Variants in ZNF276 observed in about 807,000 individuals in gnomAD.
ZNF276 encodes the protein zinc finger protein 276.
A neutral mutation model predicts 63.9 loss-of-function variants in ZNF276; 59 were observed. That is an observed-to-expected ratio of 0.92 (90% CI 0.75 to 1.15). The LOEUF (loss-of-function observed/expected upper bound fraction) is 1.15. ZNF276 is among the 50% of genes most tolerant of loss of function. The pLI, the probability that ZNF276 is intolerant of heterozygous loss-of-function variation, is 0.00. For synonymous variants in ZNF276, 496 were observed against 348.4 expected (o/e 1.42, Z -4.72); for missense variants, 1,084 against 843.8 (o/e 1.28, Z -3.53).
Position 89,739,674 on chromosome 16 carries a change from G to C in ZNF276, c.*1428G>C. 6.6e-7 allele frequency: 1 copy of C among 1,513,440 alleles called. No individual in the cohort carries two copies. Among genetic ancestry groups the C allele is most frequent in the Non-Finnish European group, 8.9e-7 (1 of 1,119,178 alleles). The allele number at this position is 1,513,440 out of a possible 1,614,324, so 93.8% of individuals were successfully genotyped here. A position where few individuals can be genotyped will look rare whatever the true frequency, so the allele number is the denominator to read the frequency against. ...GGCCTGGCTGTGGGGATAGTGTGGG[G>C]CGAACAGCCTGAGCTGAGGATACCC... On this transcript the variant is annotated 3_prime_UTR_variant, in exon 11 of 11. Coordinates refer to ENST00000443381, the MANE Select transcript of ZNF276 (RefSeq NM_001113525.2).
At position 89,739,643 on chromosome 16, in the gene ZNF276, C is replaced by T; in HGVS notation, c.*1397C>T. The T allele has an allele frequency of 1.3e-6, 2 of 1,511,846 alleles. No individual in the cohort carries two copies. The highest frequency in any genetic ancestry group is 1.8e-6 in the Non-Finnish European group (2 of 1,113,678). 93.7% of individuals were successfully genotyped at this position (1,511,846 alleles called of 1,614,324 possible). The stretch of plus-strand genomic sequence containing the variant: ...ACCCCTGGGGGTCGGGACGTGTACC[C>T]TGGGAGGCCTGGCTGTGGGGATAGT... On this transcript the variant is annotated 3_prime_UTR_variant, in exon 11 of 11. Transcript: ENST00000443381.
intron 5 of ZNF276, 135 bp from the exon 6 acceptor site, chr16:89,729,100 T>A (rs549342150): frequency 1.4e-6 from 1 of 736,386 alleles, no homozygotes; most frequent in East Asian, 2.6e-5. Flanking sequence ...TTGGGGATTT[T>A]AGATTTAAGA....
At chr16:89,731,110 TGGCCAGCCACTCACAAACAAGG>T (rs1435207148) in intron 6 of ZNF276, among the ~76,000 whole-genome samples, 8 of 152,178 alleles carry the variant, frequency 5.3e-5, no homozygotes, top group Admixed American at 5.2e-4. Context: ...GGGAACGGCA[TGGCCAGCCACTCACAAACAAGG>T]GGCCACCCAA....
At chr16:89,720,844 C>T (rs2061245758), upstream of ZNF276, 5 of 1,425,436 alleles carry the variant, frequency 3.5e-6, no homozygotes, top group Non-Finnish European at 2.8e-6. Context: ...CCGTGCCGTC[C>T]CCGGCCGCAG....
chr16:89,739,045 C>A lies in ZNF276; in HGVS notation c.*799C>A, dbSNP rs761574058. 80 of 1,613,954 alleles carry A rather than the reference C, an allele frequency of 5.0e-5. No individual in the cohort carries two copies. In the South Asian group the frequency reaches 8.3e-4, roughly 17 times the overall value. ...ACAGGGCTGGTGTGTCCCCCATAGTCTGCATGCTGTGCCGGAACATTCTTT... is the reference window on the plus strand; with the variant it reads ...ACAGGGCTGGTGTGTCCCCCATAGTATGCATGCTGTGCCGGAACATTCTTT... On this transcript the variant is annotated 3_prime_UTR_variant, in exon 11 of 11. Coordinates refer to ENST00000443381, the MANE Select transcript of ZNF276 (RefSeq NM_001113525.2).
At chr16:89,727,748 C>G (rs1442807091) in intron 5 of ZNF276, among the ~76,000 whole-genome samples, 1 of 152,222 alleles carries the variant, frequency 6.6e-6, no homozygotes, top group African/African-American at 2.4e-5. Flanking sequence ...CTGGCTGGGT[C>G]CTTTGCTTCT....
chr16:89,722,460 TGGAGTCC>T, intron 1 of ZNF276, 64 bp from the exon 2 acceptor site: 19 of 1,502,298 alleles, frequency 1.3e-5, no homozygotes, highest in Non-Finnish European at 1.7e-5. Flanking sequence ...CCCTCGGACC[TGGAGTCC>T]GGGACGCCCT....
rs764740923 is a variant in ZNF276 at position 89,729,325 on chromosome 16, G to A, written c.1169+7G>A. ...AGCCTTACCCAGAAAGGAAGTAAGT[G>A]GGCAGCCCGGGGTCTGCTGGAGGCA... On this transcript the variant is annotated splice_region_variant and intron_variant, in intron 6 of 10. Coordinates refer to ENST00000443381, the MANE Select transcript of ZNF276 (RefSeq NM_001113525.2). 5.4e-5 allele frequency: 87 copies of A among 1,613,760 alleles called. No individual in the cohort carries two copies. Among genetic ancestry groups the A allele is most frequent in the Non-Finnish European group, 7.0e-5 (83 of 1,179,894 alleles).
chr16:89,737,653 C>CT (rs2061982763), intron 9 of ZNF276, 153 bp from the exon 10 acceptor site: 2 of 1,423,140 alleles, frequency 1.4e-6, no homozygotes, highest in South Asian at 2.9e-5. Context: ...TCTTAATAAA[C>CT]GAGGCCCTCA....
At position 89,723,061 on chromosome 16, in the gene ZNF276, C is replaced by T. The variant is rs909005806; in HGVS notation, c.510-76C>T. The T allele has an allele frequency of 2.5e-6, 4 of 1,611,190 alleles. No individual in the cohort carries two copies. In the African/African-American group the frequency reaches 4.0e-5, roughly 16 times the overall value. ...TGGGGACCGCTGAGGTTTGAGATCT[C>T]GAGAGGGTCCCGTACGACGAGCGCT... On this transcript the variant is annotated intron_variant, in intron 2 of 10. Transcript: ENST00000443381.
chr16:89,738,582 T>A lies in ZNF276; in HGVS notation c.*336T>A. 1.9e-6 allele frequency: 3 copies of A among 1,613,150 alleles called. No individual in the cohort carries two copies. The highest frequency in any genetic ancestry group is 2.5e-6 in the Non-Finnish European group (3 of 1,180,022). On this transcript the variant is annotated 3_prime_UTR_variant, in exon 11 of 11. Transcript: ENST00000443381. The stretch of plus-strand genomic sequence containing the variant: ...ATTATTTACACGGGAGCTGGGCTGG[T>A]GTGCAGTGGCAGGTCCCGTCAGAAG...
rs780008254 is a variant in ZNF276 at position 89,722,801 on chromosome 16, C to G, written c.476C>G (p.Ala159Gly). Residue 159 changes from alanine (A) to glycine (G), a missense_variant, in exon 2 of 11, where the codon GCC becomes GGC. Transcript: ENST00000443381. ...LLKSFLQRVN[A>G]SPAGRRKPCA... ...AAGTCCTTCCTGCAGAGGGTCAACG[C>G]CTCCCCGGCTGGTCGCCGGAAGCCT... 2 of 1,606,154 alleles carry G rather than the reference C, an allele frequency of 1.2e-6. No individual in the cohort carries two copies. The highest frequency in any genetic ancestry group is 1.3e-5 in the African/African-American group (1 of 74,946).
At chr16:89,721,183 C>T (rs2061257250), upstream of ZNF276, 1 of 239,208 alleles carries the variant, frequency 4.2e-6, no homozygotes. Context: ...TACGTGAGAC[C>T]CCGGCCCCCC....
chr16:89,737,574 C>CT, intron 9 of ZNF276: 1 of 700,512 alleles, frequency 1.4e-6, no homozygotes, highest in Non-Finnish European at 2.2e-6. Context: ...TCTGAGGTTT[C>CT]TTTAAAAACC....
chr16:89,733,758 G>A (rs972334763), intron 8 of ZNF276, among the ~76,000 whole-genome samples, 163 bp from the exon 9 acceptor site: 2 of 152,168 alleles, frequency 1.3e-5, no homozygotes, highest in African/African-American at 2.4e-5. Context: ...CACCCCCCGG[G>A]GGGTCTAGAA....
Position 89,740,925 on chromosome 16 carries a change from A to G in ZNF276, c.*2679A>G, listed in dbSNP as rs2062118157. The G allele has an allele frequency of 9.7e-6, 14 of 1,442,736 alleles. No homozygotes were observed. The East Asian group carries it at 3.4e-4, about 35-fold the overall frequency. The allele number at this position is 1,442,736 out of a possible 1,614,324, so 89.4% of individuals were successfully genotyped here. A position where few individuals can be genotyped will look rare whatever the true frequency, so the allele number is the denominator to read the frequency against. ...AAAATTACCTGTGCTGTCATTCTAA[A>G]TAAGGCTGACACATTCCTCTTTAAT... On this transcript the variant is annotated 3_prime_UTR_variant, in exon 11 of 11. Transcript: ENST00000443381.
rs1031925108 is a variant in ZNF276 at position 89,723,035 on chromosome 16, A to G, written c.510-102A>G. ...GGGGTGAGGGAAGAGAAAGTTGCCT[A>G]TGGGGACCGCTGAGGTTTGAGATCT... On this transcript the variant is annotated intron_variant, in intron 2 of 10. Coordinates refer to ENST00000443381, the MANE Select transcript of ZNF276 (RefSeq NM_001113525.2). The G allele has an allele frequency of 5.6e-6, 9 of 1,607,038 alleles. No homozygotes were observed. In the African/African-American group the frequency reaches 6.7e-5, roughly 12 times the overall value.
chr16:89,720,973 A>G, upstream of ZNF276: 1 of 1,076,666 alleles, frequency 9.3e-7, no homozygotes. Context: ...GACCGCAGGA[A>G]GGGACGCGGC....
intron 6 of ZNF276, chr16:89,733,032 ACCCTGCTGTACCCTGCGCCCTCGCCCTCT>A (rs2061724068): frequency 8.0e-6 from 3 of 373,648 alleles, no homozygotes; most frequent in African/African-American, 2.5e-5. Context: ...GTTTGCCCTG[ACCCTGCTGTACCCTGCGCCCTCGCCCTCT>A]GCTGTGTTCA....
Sources: gnomAD v4.1 joint callset for allele counts (sites outside exome capture counted in the v4.1 genomes callset) on GRCh38, gnomAD v4.1.1 for gene constraint, MANE v1.5 for transcripts, NCBI Gene and HGNC (gene_info 2026-07-23, HGNC 2026-07-21) for gene names.